The following OR56A1 variants were observed in gnomAD, a reference collection of about 807,000 sequenced individuals.
OR56A1 encodes olfactory receptor family 56 subfamily A member 1.
For synonymous variants in OR56A1, 174 were observed against 159.1 expected (o/e 1.09, Z -0.70); for missense variants, 360 against 380.9 (o/e 0.94, Z 0.46).
chr11:6,027,659 C>A lies in OR56A1; in HGVS notation c.34G>T (p.Val12Phe), dbSNP rs774817923. The change falls in exon 2 of 2, where the codon GTC (valine) becomes TTC (phenylalanine). Residue 12 changes from valine to phenylalanine, a missense_variant. Physicochemically the swap from Val to Phe is conservative, Grantham distance 50. Transcript: ENST00000641900. Reference protein sequence around the residue: ...ASPSNSSTVPVSEFLLICFPN... With the variant: ...ASPSNSSTVPFSEFLLICFPN... The stretch of plus-strand genomic sequence containing the variant: ...AAGCAGATGAGGAGGAATTCAGAGA[C>A]TGGGACAGTGGAGCTGTTGCTGGGT... 7 of 1,604,822 alleles carry A rather than the reference C, an allele frequency of 4.4e-6. No individual in the cohort carries two copies. Among genetic ancestry groups the A allele is most frequent in the Admixed American group, 1.7e-5 (1 of 59,574 alleles).
At position 6,026,428 on chromosome 11, in the gene OR56A1, G is replaced by C; in HGVS notation, c.*320C>G. ...TTTGCTTCCCACATATGTGATCTTT[G>C]GTCATTTCCCTTCCTAAAAGCATCT... On this transcript the variant is annotated 3_prime_UTR_variant, in exon 2 of 2. Coordinates refer to ENST00000641900, the MANE Select transcript of OR56A1 (RefSeq NM_001388488.1). 4.0e-6 allele frequency: 1 copy of C among 247,498 alleles called. No homozygotes were observed. The highest frequency in any genetic ancestry group is 7.8e-6 in the Non-Finnish European group (1 of 127,928). 15.3% of individuals were successfully genotyped at this position (247,498 alleles called of 1,614,324 possible).
chr11:6,026,353 C>A lies in OR56A1; in HGVS notation c.*395G>T. 6.1e-6 allele frequency: 1 copy of A among 162,896 alleles called. No individual in the cohort carries two copies. The highest frequency in any genetic ancestry group is 1.3e-5 in the Non-Finnish European group (1 of 74,892). The allele number at this position is 162,896 out of a possible 1,614,324, so 10.1% of individuals were successfully genotyped here. On this transcript the variant is annotated 3_prime_UTR_variant, in exon 2 of 2. Coordinates refer to ENST00000641900, the MANE Select transcript of OR56A1 (RefSeq NM_001388488.1). Reference sequence around the variant, plus strand: ...AAAGGCTGGTCTTGAGCTTCAATTGCAATTGATGAGGCATTTCAACTATGT... The same window carrying A: ...AAAGGCTGGTCTTGAGCTTCAATTGAAATTGATGAGGCATTTCAACTATGT...
At chr11:6,032,600 G>T (rs1323987559), upstream of OR56A1, among the ~76,000 whole-genome samples, 1 of 152,194 alleles carries the variant, frequency 6.6e-6, no homozygotes, top group East Asian at 1.9e-4. Context: ...AGTTTCAGTG[G>T]GCTGAGGGGC....
At position 6,024,218 on chromosome 11, in the gene OR56A1, A is replaced by C. The variant is rs1848424787; in HGVS notation, c.*2530T>G. 1 of 152,196 alleles carries C rather than the reference A, an allele frequency of 6.6e-6. No homozygotes were observed. The highest frequency in any genetic ancestry group is 1.5e-5 in the Non-Finnish European group (1 of 68,024). The allele number at this position is 152,196 out of a possible 1,614,324, so 9.4% of individuals were successfully genotyped here. A position where few individuals can be genotyped will look rare whatever the true frequency, so the allele number is the denominator to read the frequency against. ...CCCCTCAATATGTGAGAGCTGTGCT[A>C]GTTACTGTGAGGGGTGATCACTGTT... On this transcript the variant is annotated 3_prime_UTR_variant, in exon 2 of 2. Transcript: ENST00000641900.
In OR56A1 at chr11:6,023,362, G is replaced by C. The variant is rs1386578608; in HGVS notation, c.*3386C>G. On this transcript the variant is annotated 3_prime_UTR_variant, in exon 2 of 2. Transcript: ENST00000641900. ...AAAAGCTTTCTGTGATAAATGGAAAGTGTAGTATTGTTCCCTCAACAATAC... is the reference window on the plus strand; with the variant it reads ...AAAAGCTTTCTGTGATAAATGGAAACTGTAGTATTGTTCCCTCAACAATAC... The C allele has an allele frequency of 6.6e-6, 1 of 152,228 alleles. No individual in the cohort carries two copies. The highest frequency in any genetic ancestry group is 1.9e-4 in the East Asian group (1 of 5,200). The allele number at this position is 152,228 out of a possible 1,614,324, so 9.4% of individuals were successfully genotyped here.
intron 1 of OR56A1, among the ~76,000 whole-genome samples, chr11:6,029,722 T>C (rs1848494528): frequency 6.6e-6 from 1 of 152,194 alleles, no homozygotes; most frequent in Admixed American, 6.5e-5. Context: ...CATCATCCAC[T>C]ACCTTGACGT....
chr11:6,025,391 G>A lies in OR56A1; in HGVS notation c.*1357C>T, dbSNP rs892003522. The stretch of plus-strand genomic sequence containing the variant: ...CCTACAGAGAGCAACAGAAACATTA[G>A]AAGGTTGAAACATGGAGAGGGACAC... On this transcript the variant is annotated 3_prime_UTR_variant, in exon 2 of 2. Transcript: ENST00000641900. 3.3e-5 allele frequency: 5 copies of A among 152,228 alleles called. No homozygotes were observed. The highest frequency in any genetic ancestry group is 1.2e-4 in the African/African-American group (5 of 41,454). The allele number at this position is 152,228 out of a possible 1,614,324, so 9.4% of individuals were successfully genotyped here.
At chr11:6,031,845 G>T (rs1376471326), upstream of OR56A1, among the ~76,000 whole-genome samples, 1 of 152,094 alleles carries the variant, frequency 6.6e-6, no homozygotes, top group African/African-American at 2.4e-5. Flanking sequence ...TGTAGAGTTG[G>T]AATAGCACAA....
In OR56A1 at chr11:6,027,013, G is replaced by A. The variant is rs1848456393; in HGVS notation, c.680C>T (p.Ala227Val). 4 of 1,614,132 alleles carry A rather than the reference G, an allele frequency of 2.5e-6. No homozygotes were observed. Among genetic ancestry groups the A allele is most frequent in the Non-Finnish European group, 3.4e-6 (4 of 1,179,968 alleles). ...IFLSYTFILR[A>V]VLRFKAEGAA... ...CCCCTCTGCTTTGAATCTAAGCACA[G>A]CTCTTAGAATGAAGGTGTAAGAGAG... is the stretch of plus-strand genomic sequence containing the variant. Residue 227 changes from alanine to valine, a missense_variant, in exon 2 of 2, where the codon GCT becomes GTT. Physicochemically the swap from Ala to Val is moderately conservative, Grantham distance 64. Transcript: ENST00000641900.
upstream of OR56A1, among the ~76,000 whole-genome samples, chr11:6,032,229 A>G (rs1313308036): frequency 6.6e-6 from 1 of 152,154 alleles, no homozygotes; most frequent in Non-Finnish European, 1.5e-5. Context: ...TAATAGAAGA[A>G]AAAGCAAGGC....
In OR56A1 at chr11:6,022,170, G is replaced by A. The variant is rs1848403231; in HGVS notation, c.*4578C>T. The A allele has an allele frequency of 6.6e-6, 1 of 152,120 alleles. No individual in the cohort carries two copies. Among genetic ancestry groups the A allele is most frequent in the African/African-American group, 2.4e-5 (1 of 41,444 alleles). 9.4% of individuals were successfully genotyped at this position (152,120 alleles called of 1,614,324 possible). ...TTTGCAAGCAGCTGGATCTATGTGAGGAGTCTGGCCGATGAAATGATAGAG... is the reference window on the plus strand; with the variant it reads ...TTTGCAAGCAGCTGGATCTATGTGAAGAGTCTGGCCGATGAAATGATAGAG... On this transcript the variant is annotated 3_prime_UTR_variant, in exon 2 of 2. Transcript: ENST00000641900.
intron 1 of OR56A1, among the ~76,000 whole-genome samples, chr11:6,029,018 T>A (rs569109250): frequency 2.7e-4 from 41 of 152,126 alleles, no homozygotes; most frequent in Non-Finnish European, 3.7e-4. Flanking sequence ...TTATCTTAAA[T>A]GAAACAAGCC....
rs960252996 is a variant in OR56A1, at chr11:6,024,290, C to G, written c.*2458G>C. 1 of 152,242 alleles carries G rather than the reference C, an allele frequency of 6.6e-6. No homozygotes were observed. The highest frequency in any genetic ancestry group is 2.4e-5 in the African/African-American group (1 of 41,448). 9.4% of individuals were successfully genotyped at this position (152,242 alleles called of 1,614,324 possible). On this transcript the variant is annotated 3_prime_UTR_variant, in exon 2 of 2. Transcript: ENST00000641900. ...CTCCATCCTTTACAAATCCCTACAA[C>G]AAAGTTGGTAGTTTCTATCCCTATG...
At chr11:6,032,392 CCTCT>C (rs886971477), upstream of OR56A1, among the ~76,000 whole-genome samples, 6 of 152,200 alleles carry the variant, frequency 3.9e-5, no homozygotes, top group South Asian at 2.1e-4. Flanking sequence ...TGTTTTTGTA[CCTCT>C]CTATCTCCCT....
Position 6,023,805 on chromosome 11 carries a change from G to T in OR56A1, c.*2943C>A, listed in dbSNP as rs1848419755. 1.3e-5 allele frequency: 2 copies of T among 152,308 alleles called. No individual in the cohort carries two copies. The highest frequency in any genetic ancestry group is 2.1e-4 in the South Asian group (1 of 4,826). The allele number at this position is 152,308 out of a possible 1,614,324, so 9.4% of individuals were successfully genotyped here. ...CTTCATTATATCCACTCAAGACAGT[G>T]CTTGAAAACCTTTACAGAGAGGACA... On this transcript the variant is annotated 3_prime_UTR_variant, in exon 2 of 2. Coordinates refer to ENST00000641900, the MANE Select transcript of OR56A1 (RefSeq NM_001388488.1).
chr11:6,027,545 T>C lies in OR56A1; in HGVS notation c.148A>G (p.Ile50Val), dbSNP rs1848467094. 3 of 1,613,628 alleles carry C rather than the reference T, an allele frequency of 1.9e-6. No individual in the cohort carries two copies. Among genetic ancestry groups the C allele is most frequent in the Non-Finnish European group, 2.5e-6 (3 of 1,179,954 alleles). Reference sequence around the variant, plus strand: ...AGAGAGGCCTCCAGCTGGATGGTGATCAGGAGGGTGGTGTTAGCTCCCATG... The same window carrying C: ...AGAGAGGCCTCCAGCTGGATGGTGACCAGGAGGGTGGTGTTAGCTCCCATG... Reference protein sequence around the residue: ...LAMGANTTLLITIQLEASLHQ... With the variant: ...LAMGANTTLLVTIQLEASLHQ... Residue 50 changes from isoleucine to valine, a missense_variant, in exon 2 of 2, where the codon ATC (isoleucine) becomes GTC (valine). By Grantham distance (29) the Ile-to-Val change is conservative (BLOSUM62 3). Transcript: ENST00000641900.
At chr11:6,032,846 T>C (rs1848525739), upstream of OR56A1, among the ~76,000 whole-genome samples, 1 of 152,168 alleles carries the variant, frequency 6.6e-6, no homozygotes, top group Non-Finnish European at 1.5e-5. Flanking sequence ...TTGCTCCTAA[T>C]GTTGGTAAGA....
chr11:6,024,758 T>C lies in OR56A1; in HGVS notation c.*1990A>G, dbSNP rs1848430558. 1 of 152,082 alleles carries C rather than the reference T, an allele frequency of 6.6e-6. No individual in the cohort carries two copies. Among genetic ancestry groups the C allele is most frequent in the Non-Finnish European group, 1.5e-5 (1 of 68,000 alleles). 9.4% of individuals were successfully genotyped at this position (152,082 alleles called of 1,614,324 possible). ...GGCCTTTATATCATCTAAGGGACAA[T>C]AGGAAAACAGTGAGAGATAAAACTC... On this transcript the variant is annotated 3_prime_UTR_variant, in exon 2 of 2. Coordinates refer to ENST00000641900, the MANE Select transcript of OR56A1 (RefSeq NM_001388488.1).
intron 1 of OR56A1, 131 bp downstream of exon 1, chr11:6,030,571 C>T (rs1029181742): frequency 5.3e-5 from 8 of 152,168 alleles, no homozygotes; most frequent in African/African-American, 1.7e-4. Flanking sequence ...CCAGTTCCAT[C>T]TAACACCCCA....
Sources: gnomAD v4.1 joint callset for allele counts (sites outside exome capture counted in the v4.1 genomes callset) on GRCh38, gnomAD v4.1.1 for gene constraint, MANE v1.5 for transcripts, NCBI Gene and HGNC (gene_info 2026-07-23, HGNC 2026-07-21) for gene names.